The following GLIS3 variants were observed in gnomAD, a reference collection of about 807,000 sequenced individuals.
The protein encoded by GLIS3 is zinc finger protein GLIS3.
GLIS3 carries 53 observed loss-of-function variants against 78.6 expected under a neutral mutation model. That is an observed-to-expected ratio of 0.67 (90% CI 0.54 to 0.85). The LOEUF (loss-of-function observed/expected upper bound fraction) is 0.85. Ranked by LOEUF, GLIS3 falls within the 40% of genes least tolerant of loss-of-function variation. The probability of loss-of-function intolerance (pLI) is 0.00; values close to 1 mark genes in which losing one functional copy is unlikely to be tolerated. For synonymous variants in GLIS3, 684 were observed against 509.9 expected (o/e 1.34, Z -4.60); for missense variants, 1,703 against 1,231.1 (o/e 1.38, Z -5.74).
At chr9:4,372,614 G>A in the GLIS3 span, among the ~76,000 whole-genome samples, 1 of 151,252 alleles carries the variant, frequency 6.6e-6, no homozygotes, top group South Asian at 2.1e-4. Context: ...TAAGGAATTT[G>A]CGTCAAATTT....
the GLIS3 span, among the ~76,000 whole-genome samples, chr9:4,385,662 T>A: frequency 4.5e-5 from 1 of 22,252 alleles, no homozygotes; most frequent in East Asian, 7.5e-4. Context: ...TGAAACTCCA[T>A]CTCAAAAAAA....
chr9:4,254,712 C>T (rs920378421), intron 2 of GLIS3, among the ~76,000 whole-genome samples: 7 of 151,878 alleles, frequency 4.6e-5, no homozygotes, highest in Non-Finnish European at 5.9e-5. Flanking sequence ...TGGTGGCAAA[C>T]GCCTGTAATC....
intron 1 of GLIS3, among the ~76,000 whole-genome samples, chr9:4,294,237 G>A (rs925513872): frequency 2.6e-4 from 39 of 152,174 alleles, no homozygotes; most frequent in East Asian, 7.7e-4. Flanking sequence ...GGCCAGGTGC[G>A]GTGGCTCACG....
At chr9:4,362,699 C>T in the GLIS3 span, among the ~76,000 whole-genome samples, 1 of 152,158 alleles carries the variant, frequency 6.6e-6, no homozygotes, top group Admixed American at 6.5e-5. Context: ...GGTAACGCCC[C>T]ATCAAAGAGG....
At chr9:3,981,296 T>C (rs914948227) in intron 4 of GLIS3, among the ~76,000 whole-genome samples, 1 of 152,122 alleles carries the variant, frequency 6.6e-6, no homozygotes, top group Non-Finnish European at 1.5e-5. Context: ...AGAAAGTGAG[T>C]TCACCTTAAT....
the GLIS3 span, among the ~76,000 whole-genome samples, chr9:4,388,789 A>G: frequency 6.6e-6 from 1 of 152,230 alleles, no homozygotes; most frequent in African/African-American, 2.4e-5. Context: ...GAAGAAAGAG[A>G]GTAAGAATAA....
chr9:4,050,588 A>C (rs936618073), intron 4 of GLIS3, among the ~76,000 whole-genome samples: 2 of 152,120 alleles, frequency 1.3e-5, no homozygotes, highest in Non-Finnish European at 2.9e-5. Flanking sequence ...CTAGAACTTA[A>C]AGTATAATAA....
chr9:4,017,251 C>T (rs1197708841), intron 4 of GLIS3, among the ~76,000 whole-genome samples: 2 of 152,124 alleles, frequency 1.3e-5, no homozygotes, highest in African/African-American at 2.4e-5. Flanking sequence ...TAGTTCTAGA[C>T]AAATAACTAT....
intron 4 of GLIS3, among the ~76,000 whole-genome samples, chr9:4,047,835 C>T (rs1825379817): frequency 6.6e-6 from 1 of 152,168 alleles, no homozygotes; most frequent in Non-Finnish European, 1.5e-5. Flanking sequence ...TCTCTGTCTG[C>T]TTTTTCGGTT....
intron 8 of GLIS3, among the ~76,000 whole-genome samples, chr9:3,870,886 T>G (rs185895208): frequency 6.6e-6 from 1 of 152,320 alleles, no homozygotes; most frequent in East Asian, 1.9e-4. Context: ...CTTAACTCAT[T>G]TCAGCATTAA....
intron 2 of GLIS3, among the ~76,000 whole-genome samples, chr9:4,151,881 G>A (rs1834708544): frequency 6.6e-6 from 1 of 152,146 alleles, no homozygotes; most frequent in African/African-American, 2.4e-5. Flanking sequence ...GGCATTTGAG[G>A]TTGAGACCCT....
At chr9:4,014,278 A>G (rs79009386) in intron 4 of GLIS3, among the ~76,000 whole-genome samples, 4,460 of 152,234 alleles carry the variant, frequency 0.029, 235 homozygotes, top group African/African-American at 0.1. Context: ...AAAACTGAGA[A>G]GTGGCCTTAG....
intron 4 of GLIS3, among the ~76,000 whole-genome samples, chr9:3,988,339 A>T (rs1440848484): frequency 1.3e-5 from 2 of 152,236 alleles, no homozygotes; most frequent in African/African-American, 4.8e-5. Flanking sequence ...TCAAGAAGGA[A>T]GAAGATACAA....
At chr9:4,023,260 G>A (rs1199671088) in intron 4 of GLIS3, among the ~76,000 whole-genome samples, 1 of 152,112 alleles carries the variant, frequency 6.6e-6, no homozygotes, top group Non-Finnish European at 1.5e-5. Context: ...TGGTACTCAA[G>A]AACAAATTTT....
At chr9:3,951,731 G>C (rs2130845175) in intron 4 of GLIS3, among the ~76,000 whole-genome samples, 1 of 152,078 alleles carries the variant, frequency 6.6e-6, no homozygotes, top group Middle Eastern at 3.4e-3. Context: ...GCAAGTAATT[G>C]GTATAATTAG....
chr9:4,084,439 G>C (rs531000780), intron 4 of GLIS3, among the ~76,000 whole-genome samples: 29 of 152,216 alleles, frequency 1.9e-4, no homozygotes, highest in East Asian at 1.4e-3. Context: ...ATCAAGCCAA[G>C]AGCCTCCAGC....
rs16920238 is a variant in GLIS3, at chr9:3,981,137, A to G, written c.1711-43948T>C. ...TCTTGGAGTTTATGTCCTCATTTCA[A>G]TTAAACAAGCCTTTGTTAAAACCTT... is the stretch of plus-strand genomic sequence containing the variant. On this transcript the variant is annotated intron_variant, in intron 4 of 10. Coordinates refer to ENST00000381971, the MANE Select transcript of GLIS3 (RefSeq NM_001042413.2). 4.3e-3 allele frequency among the ~76,000 whole-genome samples: 653 copies of G among 152,318 alleles called. 36 individuals are homozygous for G. In the East Asian group the frequency reaches 0.1, roughly 24 times the overall value.
chr9:3,860,686 A>G (rs1820156386), intron 8 of GLIS3, among the ~76,000 whole-genome samples: 1 of 152,218 alleles, frequency 6.6e-6, no homozygotes, highest in African/African-American at 2.4e-5. Flanking sequence ...TCTGTCTGTT[A>G]CTAGCTGGGT....
At chr9:4,243,319 A>C (rs552486460) in intron 2 of GLIS3, among the ~76,000 whole-genome samples, 1 of 152,310 alleles carries the variant, frequency 6.6e-6, no homozygotes, top group South Asian at 2.1e-4. Flanking sequence ...AGGGTATCAA[A>C]AAATCAACTT....
Sources: gnomAD v4.1 joint callset for allele counts (sites outside exome capture counted in the v4.1 genomes callset) on GRCh38, gnomAD v4.1.1 for gene constraint, MANE v1.5 for transcripts, NCBI Gene and HGNC (gene_info 2026-07-23, HGNC 2026-07-21) for gene names.